PIKFYVE: variants seen among roughly 807,000 people sequenced by gnomAD.
The protein encoded by PIKFYVE is phosphoinositide kinase, FYVE-type zinc finger containing, also known as 1-phosphatidylinositol 3-phosphate 5-kinase.
Under a neutral mutation model 257.9 loss-of-function variants are expected in PIKFYVE, and 122 were observed. The ratio of observed to expected loss-of-function variants is 0.47; its 90% CI spans 0.41 to 0.55. PIKFYVE has a LOEUF of 0.55. Among genes scored for constraint, PIKFYVE ranks in the 20% least tolerant of loss-of-function variants. PIKFYVE has a pLI of 0.00. For synonymous variants in PIKFYVE, 892 were observed against 868.9 expected (o/e 1.03, Z -0.47); for missense variants, 2,160 against 2,536.6 (o/e 0.85, Z 3.19).
intron 15 of PIKFYVE, among the ~76,000 whole-genome samples, chr2:208,316,170 C>A (rs1695494450): frequency 6.6e-6 from 1 of 151,692 alleles, no homozygotes; most frequent in South Asian, 2.1e-4. Context: ...ATGATGATTT[C>A]CAATTTCATC....
chr2:208,335,536 G>A, intron 25 of PIKFYVE, 117 bp downstream of exon 25: 3 of 906,920 alleles, frequency 3.3e-6, no homozygotes, highest in Non-Finnish European at 5.1e-6. Flanking sequence ...TGCTATGCAT[G>A]CTTGGTGTAC....
chr2:208,351,268 A>C, intron 37 of PIKFYVE, 84 bp from the exon 38 acceptor site: 1 of 1,139,998 alleles, frequency 8.8e-7, no homozygotes, highest in Non-Finnish European at 1.3e-6. Flanking sequence ...AAACAACCTA[A>C]TCATTTAGGA....
At chr2:208,340,190 G>T (rs538037402) in intron 31 of PIKFYVE, 59 bp downstream of exon 31, 8 of 1,581,320 alleles carry the variant, frequency 5.1e-6, no homozygotes, top group Non-Finnish European at 6.9e-6. Context: ...TTAGTTGCTC[G>T]CTTCATATTT....
chr2:208,274,199 A>G, intron 3 of PIKFYVE: 2 of 860,588 alleles, frequency 2.3e-6, no homozygotes, highest in Non-Finnish European at 1.9e-6. Flanking sequence ...TTGGGGTGCA[A>G]ACTGTCAGTG....
At chr2:208,306,674 T>G (rs2125380143) in intron 12 of PIKFYVE, among the ~76,000 whole-genome samples, 1 of 152,220 alleles carries the variant, frequency 6.6e-6, no homozygotes, top group East Asian at 1.9e-4. Context: ...AAAATGACAT[T>G]GTTATGGTGC....
chr2:208,303,364 G>A (rs1193556668), intron 10 of PIKFYVE, among the ~76,000 whole-genome samples: 1 of 151,774 alleles, frequency 6.6e-6, no homozygotes, highest in African/African-American at 2.4e-5. Flanking sequence ...GAAAATTCAC[G>A]GATGTTTGAC....
At chr2:208,312,571 A>T (rs571674395) in intron 13 of PIKFYVE, among the ~76,000 whole-genome samples, 1 of 152,338 alleles carries the variant, frequency 6.6e-6, no homozygotes, top group Admixed American at 6.5e-5. Context: ...TCTTTTAAAG[A>T]CATAGTTTAC....
chr2:208,302,056 T>C (rs945194212), intron 9 of PIKFYVE, among the ~76,000 whole-genome samples, 186 bp from the exon 10 acceptor site: 2 of 152,226 alleles, frequency 1.3e-5, no homozygotes, highest in Non-Finnish European at 1.5e-5. Flanking sequence ...TCCTTTACTA[T>C]AGTACCTGGA....
rs760153080 is a variant in PIKFYVE at position 208,312,307 on chromosome 2, A to G, written c.1696+12A>G. 3.8e-6 allele frequency: 6 copies of G among 1,593,552 alleles called. No homozygotes were observed. The South Asian group carries it at 5.6e-5, about 15-fold the overall frequency. ...CGCTTTCATCAAAGGTAATTTTATA[A>G]AAAGCTGTATGTGGAATGGTGTCTC... is the stretch of plus-strand genomic sequence containing the variant. On this transcript the variant is annotated intron_variant, in intron 13 of 41. Transcript: ENST00000264380.
Position 208,326,255 on chromosome 2 carries a change from G to T in PIKFYVE, c.3444G>T (p.Leu1148Phe). The T allele has an allele frequency of 6.3e-7, 1 of 1,592,146 alleles. No homozygotes were observed. Among genetic ancestry groups the T allele is most frequent in the Non-Finnish European group, 8.6e-7 (1 of 1,169,298 alleles). The change falls in exon 20 of 42, where the codon TTG (leucine) becomes TTT (phenylalanine). Residue 1148 changes from leucine (L) to phenylalanine (F), a missense_variant. Leu to Phe is a conservative substitution (Grantham distance 22, BLOSUM62 0). Around this residue, in one of 12 missense-constraint regions of PIKFYVE, gnomAD observed 522 missense variants for 514.6 expected, o/e 1.01. Transcript: ENST00000264380. ...AGCATCTGGGCGATAGCCAGAGCTTGGGTAGAATGCTGGCCGATTATCGAG... is the reference window on the plus strand; with the variant it reads ...AGCATCTGGGCGATAGCCAGAGCTTTGGTAGAATGCTGGCCGATTATCGAG... ...IAEHLGDSQS[L>F]GRMLADYRAR...
intron 6 of PIKFYVE, among the ~76,000 whole-genome samples, chr2:208,288,126 T>G (rs1348102259): frequency 6.6e-6 from 1 of 152,232 alleles, no homozygotes; most frequent in Admixed American, 6.5e-5. Flanking sequence ...GAAAGCTCCC[T>G]GAGAGATGTA....
intron 5 of PIKFYVE, among the ~76,000 whole-genome samples, chr2:208,280,371 C>T (rs1009504485): frequency 6.6e-6 from 1 of 152,194 alleles, no homozygotes; most frequent in Non-Finnish European, 1.5e-5. Flanking sequence ...ACTCACTAAA[C>T]TCACAGTGAG....
intron 1 of PIKFYVE, among the ~76,000 whole-genome samples, chr2:208,268,423 C>CTTT (rs35632672): frequency 1.3e-4 from 10 of 78,672 alleles, no homozygotes; most frequent in African/African-American, 2.7e-4. Context: ...CTCCAGAGCT[C>CTTT]TTTTTTTTTT....
intron 13 of PIKFYVE, among the ~76,000 whole-genome samples, chr2:208,312,922 A>G (rs1695083509): frequency 6.6e-6 from 1 of 152,216 alleles, no homozygotes; most frequent in Non-Finnish European, 1.5e-5. Flanking sequence ...CAGATCAAAG[A>G]GAGAAGGCAA....
rs1559137001 is a variant in PIKFYVE at position 208,328,293 on chromosome 2, T to C, written c.3719+13T>C. 1 of 1,613,148 alleles carries C rather than the reference T, an allele frequency of 6.2e-7. No individual in the cohort carries two copies. Among genetic ancestry groups the C allele is most frequent in the East Asian group, 2.2e-5 (1 of 44,854 alleles). ...GTGTCAGTCCTTGGTAGGATTCTTT[T>C]CCCCCTACACTATTCCACATAAGAA... On this transcript the variant is annotated intron_variant, in intron 21 of 41. Transcript: ENST00000264380.
intron 17 of PIKFYVE, among the ~76,000 whole-genome samples, chr2:208,323,937 GC>G (rs1696609924): frequency 2.2e-5 from 3 of 133,912 alleles, no homozygotes; most frequent in Non-Finnish European, 4.8e-5. Flanking sequence ...CATGTGCTTC[GC>G]CCACTTTTTG....
chr2:208,326,959 A>G (rs1376895389), intron 20 of PIKFYVE, among the ~76,000 whole-genome samples: 1 of 152,218 alleles, frequency 6.6e-6, no homozygotes, highest in African/African-American at 2.4e-5. Context: ...TTATAGATCC[A>G]TTATTGATAA....
chr2:208,270,978 G>A (rs995796149), intron 1 of PIKFYVE, among the ~76,000 whole-genome samples: 7 of 151,248 alleles, frequency 4.6e-5, no homozygotes, highest in African/African-American at 1.7e-4. Flanking sequence ...GGAGGTTGCA[G>A]TGAGCCAGGA....
intron 3 of PIKFYVE, 119 bp downstream of exon 3, chr2:208,273,852 T>C: frequency 7.1e-7 from 1 of 1,406,986 alleles, no homozygotes; most frequent in Non-Finnish European, 1.0e-6. Flanking sequence ...AGTAAGATAC[T>C]ATTTGAAATA....
Sources: allele counts gnomAD v4.1 joint callset (sites outside exome capture counted in the v4.1 genomes callset), GRCh38; gene constraint gnomAD v4.1.1; regional missense constraint gnomAD v4.1.1; transcripts MANE v1.5; gene names NCBI Gene and HGNC (gene_info 2026-07-23, HGNC 2026-07-21).